NREP: variants seen among roughly 807,000 people sequenced by gnomAD.
NREP encodes neuronal regeneration-related protein.
In NREP, 5 loss-of-function variants were observed where a neutral mutation model predicts 8.6. That is an observed-to-expected ratio of 0.58 (90% CI 0.30 to 1.22). NREP has a LOEUF of 1.22. NREP is among the 50% of genes most tolerant of loss of function. The pLI, the probability that NREP is intolerant of heterozygous loss-of-function variation, is 0.07. For synonymous variants in NREP, 27 were observed against 28.0 expected (o/e 0.96, Z 0.11); for missense variants, 86 against 82.5 (o/e 1.04, Z -0.17).
chr5:111,889,850 C>T (rs1259475355), intron 2 of NREP, among the ~76,000 whole-genome samples: 4 of 151,712 alleles, frequency 2.6e-5, no homozygotes, highest in African/African-American at 9.7e-5. Flanking sequence ...TGGAAAATTA[C>T]AGTTAAAGGG....
At chr5:111,824,944 C>G (rs961808120) in intron 2 of NREP, among the ~76,000 whole-genome samples, 1 of 152,108 alleles carries the variant, frequency 6.6e-6, no homozygotes, top group African/African-American at 2.4e-5. Flanking sequence ...AAATGCATTA[C>G]ATATATCGTC....
intron 2 of NREP, among the ~76,000 whole-genome samples, chr5:111,972,671 C>G (rs1157925586): frequency 1.3e-5 from 2 of 152,160 alleles, no homozygotes; most frequent in African/African-American, 4.8e-5. Flanking sequence ...CCACGCCATA[C>G]CCACCTCTTT....
intron 2 of NREP, among the ~76,000 whole-genome samples, chr5:111,862,016 G>A (rs1195237951): frequency 6.6e-6 from 1 of 151,982 alleles, no homozygotes; most frequent in African/African-American, 2.4e-5. Context: ...TTATTTTTAA[G>A]AAATGAGTAT....
At chr5:111,902,376 C>G (rs1754668069) in intron 2 of NREP, among the ~76,000 whole-genome samples, 1 of 152,042 alleles carries the variant, frequency 6.6e-6, no homozygotes, top group South Asian at 2.1e-4. Context: ...TAGTTGAGCC[C>G]AGATCAGCTG....
intron 2 of NREP, chr5:111,940,209 A>G (rs534371889): frequency 6.6e-6 from 1 of 152,238 alleles, no homozygotes; most frequent in Admixed American, 6.5e-5. Context: ...GCCTTTTGTG[A>G]TAAATAAAGA....
chr5:111,777,374 GTGTTT>G (rs1443947204), intron 2 of NREP, among the ~76,000 whole-genome samples: 2 of 151,842 alleles, frequency 1.3e-5, no homozygotes, highest in African/African-American at 2.4e-5. Flanking sequence ...GTGTGTGTGT[GTGTTT>G]TAAGTACGTA....
intron 2 of NREP, among the ~76,000 whole-genome samples, chr5:111,802,651 G>A (rs1370605822): frequency 6.6e-6 from 1 of 152,174 alleles, no homozygotes; most frequent in Admixed American, 6.5e-5. Flanking sequence ...TTATCTGAAT[G>A]TTAGCCAAAA....
chr5:111,969,789 G>C (rs932822485), intron 2 of NREP, among the ~76,000 whole-genome samples: 1 of 152,064 alleles, frequency 6.6e-6, no homozygotes, highest in African/African-American at 2.4e-5. Flanking sequence ...TAAATAACTT[G>C]GTATTTTAAA....
chr5:111,907,569 C>T (rs1239899945), intron 2 of NREP, among the ~76,000 whole-genome samples: 1 of 152,064 alleles, frequency 6.6e-6, no homozygotes, highest in Non-Finnish European at 1.5e-5. Flanking sequence ...ACCATATCAT[C>T]TTGGTTATTA....
At chr5:111,731,174 G>C in intron 3 of NREP, 128 bp from the exon 4 acceptor site, 2 of 936,492 alleles carry the variant, frequency 2.1e-6, no homozygotes, top group Non-Finnish European at 3.1e-6. Context: ...AACTCTTGCT[G>C]TTTTGCAAAA....
chr5:111,871,914 C>T (rs575179025), intron 2 of NREP, among the ~76,000 whole-genome samples: 5 of 148,418 alleles, frequency 3.4e-5, no homozygotes, highest in Admixed American at 6.7e-5. Flanking sequence ...TGCATAATGA[C>T]GTTTCAGTGT....
chr5:111,966,675 G>A (rs942124777), intron 2 of NREP, among the ~76,000 whole-genome samples: 4 of 152,130 alleles, frequency 2.6e-5, no homozygotes, highest in African/African-American at 9.7e-5. Context: ...GGGCTTTAAA[G>A]GAAAGTATTA....
intron 2 of NREP, among the ~76,000 whole-genome samples, chr5:111,875,111 C>A (rs1050137558): frequency 2.6e-5 from 4 of 152,066 alleles, no homozygotes; most frequent in African/African-American, 9.7e-5. Flanking sequence ...GCAGTGAAAT[C>A]AGAAATAACA....
At chr5:111,872,627 T>C (rs1465024722) in intron 2 of NREP, among the ~76,000 whole-genome samples, 1 of 152,158 alleles carries the variant, frequency 6.6e-6, no homozygotes, top group Non-Finnish European at 1.5e-5. Context: ...TCCTATCTGC[T>C]TGAGTGAACG....
At chr5:111,953,607 A>C (rs747442054) in intron 2 of NREP, among the ~76,000 whole-genome samples, 2 of 152,150 alleles carry the variant, frequency 1.3e-5, no homozygotes, top group African/African-American at 2.4e-5. Context: ...TTTTAAAAAG[A>C]CATGGTCCCT....
intron 2 of NREP, among the ~76,000 whole-genome samples, chr5:111,740,068 T>A (rs766829388): frequency 5.3e-4 from 81 of 152,060 alleles, no homozygotes; most frequent in Admixed American, 2.6e-4. Context: ...TTGGAGAATA[T>A]GCAACAGTTT....
chr5:111,805,755 AGAG>A (rs1752125240), intron 2 of NREP, among the ~76,000 whole-genome samples: 1 of 115,062 alleles, frequency 8.7e-6, no homozygotes, highest in African/African-American at 3.2e-5. Context: ...TTTACTACAC[AGAG>A]ATAGAGAAGA....
intron 2 of NREP, among the ~76,000 whole-genome samples, chr5:111,798,018 G>C (rs894998984): frequency 6.6e-6 from 1 of 152,058 alleles, no homozygotes; most frequent in Non-Finnish European, 1.5e-5. Context: ...TATTATTGGG[G>C]ACTTTACACT....
chr5:111,898,841 G>A (rs1437648479), intron 2 of NREP, among the ~76,000 whole-genome samples: 2 of 152,048 alleles, frequency 1.3e-5, no homozygotes, highest in African/African-American at 4.8e-5. Flanking sequence ...AAAACAGCAA[G>A]AGCAAATTGT....
Sources: allele counts gnomAD v4.1 joint callset (sites outside exome capture counted in the v4.1 genomes callset), GRCh38; gene constraint gnomAD v4.1.1; transcripts MANE v1.5; gene names NCBI Gene and HGNC (gene_info 2026-07-23, HGNC 2026-07-21).